The following XKR6 variants were observed in gnomAD, a reference collection of about 807,000 sequenced individuals.
XKR6 encodes the protein XK-related protein 6.
A neutral mutation model predicts 56.7 loss-of-function variants in XKR6; 22 were observed. That is an observed-to-expected ratio of 0.39 (90% CI 0.28 to 0.55). XKR6 has a LOEUF of 0.55. XKR6 is among the 20% of genes least tolerant of loss of function. The probability of loss-of-function intolerance (pLI) is 0.66; values close to 1 mark genes in which losing one functional copy is unlikely to be tolerated. For missense variants in XKR6, 852 were observed against 889.0 expected, an observed-to-expected ratio of 0.96 and a Z score of 0.53; for synonymous variants, 524 against 387.8, an observed-to-expected ratio of 1.35 and a Z score of -4.13.
chr8:11,022,155 C>T (rs559986896), intron 1 of XKR6, among the ~76,000 whole-genome samples: 1 of 149,566 alleles, frequency 6.7e-6, no homozygotes, highest in African/African-American at 2.5e-5. Flanking sequence ...GAAAGGGGCC[C>T]TCTCTTAAAG....
In XKR6 at chr8:11,191,608, T is replaced by C. The variant is rs994859586; in HGVS notation, c.764+8968A>G. On this transcript the variant is annotated intron_variant, in intron 1 of 2. Transcript: ENST00000416569. ...CTTCAAGTTTACTAGAAATACAGAG[T>C]GCAAACGACACCTGCAAGAGACACT... Among the ~76,000 whole-genome samples the C allele has an allele frequency of 1.2e-4, 17 of 146,894 alleles. No individual in the cohort carries two copies. The East Asian group carries it at 3.4e-3, about 29-fold the overall frequency.
chr8:11,022,743 G>A (rs931550474), intron 1 of XKR6, among the ~76,000 whole-genome samples: 1 of 152,186 alleles, frequency 6.6e-6, no homozygotes, highest in African/African-American at 2.4e-5. Context: ...GTAGAACCAA[G>A]ACCCAAGCTT....
intron 1 of XKR6, among the ~76,000 whole-genome samples, chr8:11,141,122 G>C (rs1470506084): frequency 6.6e-6 from 1 of 152,148 alleles, no homozygotes; most frequent in Non-Finnish European, 1.5e-5. Flanking sequence ...CAGGAGAAGG[G>C]GGAGAACAGA....
At chr8:11,119,725 A>G (rs1799355974) in intron 1 of XKR6, among the ~76,000 whole-genome samples, 1 of 151,938 alleles carries the variant, frequency 6.6e-6, no homozygotes, top group Non-Finnish European at 1.5e-5. Flanking sequence ...GGGTTTCCTG[A>G]ATACAACATA....
intron 1 of XKR6, among the ~76,000 whole-genome samples, chr8:11,173,325 C>T (rs1802474255): frequency 1.3e-5 from 2 of 150,410 alleles, no homozygotes; most frequent in African/African-American, 2.5e-5. Flanking sequence ...GCCTGGGCAA[C>T]AAAGCGAGAC....
chr8:10,926,727 C>A lies in XKR6; in HGVS notation c.765-1897G>T, dbSNP rs142562357. Among the ~76,000 whole-genome samples, 356 of 152,358 alleles carry A rather than the reference C, an allele frequency of 2.3e-3. 1 individual carries two copies. Among genetic ancestry groups the A allele is most frequent in the African/African-American group, 7.7e-3 (321 of 41,578 alleles). On this transcript the variant is annotated intron_variant, in intron 1 of 2. Coordinates refer to ENST00000416569, the MANE Select transcript of XKR6 (RefSeq NM_173683.4). ...AACTGAGGCTCTAGCATGAAATAAA[C>A]CACCAAATTCTGGTTCTGTTCAAGG...
intron 1 of XKR6, among the ~76,000 whole-genome samples, chr8:11,086,101 A>C (rs1797877976): frequency 6.6e-6 from 1 of 150,656 alleles, no homozygotes; most frequent in Non-Finnish European, 1.5e-5. Flanking sequence ...GAAGAATAGG[A>C]CCAGAACTCA....
At chr8:10,930,837 G>T (rs1456920085) in intron 1 of XKR6, among the ~76,000 whole-genome samples, 1 of 152,176 alleles carries the variant, frequency 6.6e-6, no homozygotes, top group Non-Finnish European at 1.5e-5. Context: ...AATGATAAAA[G>T]ACTGAATGCT....
At chr8:10,900,517 G>C (rs886353433) in intron 2 of XKR6, among the ~76,000 whole-genome samples, 9 of 152,214 alleles carry the variant, frequency 5.9e-5, no homozygotes, top group Non-Finnish European at 1.3e-4. Flanking sequence ...GTTACAATGG[G>C]CATGTGTGAC....
intron 1 of XKR6, among the ~76,000 whole-genome samples, chr8:11,044,406 C>T (rs965987463): frequency 6.6e-6 from 1 of 152,166 alleles, no homozygotes; most frequent in Non-Finnish European, 1.5e-5. Flanking sequence ...TTTTGGTTTT[C>T]AACCAGTGGT....
intron 1 of XKR6, among the ~76,000 whole-genome samples, chr8:11,093,060 T>A (rs769272035): frequency 2.4e-4 from 36 of 151,512 alleles, no homozygotes; most frequent in Admixed American, 6.6e-4. Context: ...CTTTTTCTTT[T>A]CTTTCTTTCT....
chr8:11,102,532 A>C (rs1193427285), intron 1 of XKR6, among the ~76,000 whole-genome samples: 1 of 152,218 alleles, frequency 6.6e-6, no homozygotes, highest in Non-Finnish European at 1.5e-5. Context: ...CAAGAATGGA[A>C]GGGGACAAAC....
intron 1 of XKR6, among the ~76,000 whole-genome samples, chr8:11,089,825 G>A (rs150570553): frequency 1.2e-4 from 19 of 152,038 alleles, no homozygotes; most frequent in African/African-American, 3.9e-4. Flanking sequence ...TGGAGGAGCC[G>A]CTATACTGAA....
intron 1 of XKR6, among the ~76,000 whole-genome samples, chr8:11,173,733 G>C (rs748392127): frequency 6.6e-6 from 1 of 152,138 alleles, no homozygotes; most frequent in Non-Finnish European, 1.5e-5. Context: ...CAGTGGTCCT[G>C]TTTAAGGGTT....
At chr8:11,113,806 A>G (rs1300466858) in intron 1 of XKR6, 1 of 166,732 alleles carries the variant, frequency 6.0e-6, no homozygotes, top group African/African-American at 2.4e-5. Flanking sequence ...AGCATTTATG[A>G]TGTAAGCCCT....
intron 1 of XKR6, among the ~76,000 whole-genome samples, chr8:11,012,268 C>T (rs1478307234): frequency 1.3e-5 from 2 of 152,194 alleles, no homozygotes; most frequent in African/African-American, 4.8e-5. Flanking sequence ...CCTTTGGGAC[C>T]TCAGCTGCTA....
intron 1 of XKR6, among the ~76,000 whole-genome samples, chr8:11,198,115 A>C (rs1045040832): frequency 6.6e-6 from 1 of 152,204 alleles, no homozygotes; most frequent in Non-Finnish European, 1.5e-5. Context: ...AAAGATCTTC[A>C]ATAAAAACAG....
At chr8:11,094,202 T>C (rs564180582) in intron 1 of XKR6, among the ~76,000 whole-genome samples, 1 of 151,970 alleles carries the variant, frequency 6.6e-6, no homozygotes, top group South Asian at 2.1e-4. Context: ...CCCACAAACT[T>C]ACAAAGGAGC....
At chr8:11,173,368 C>T (rs867711805) in intron 1 of XKR6, among the ~76,000 whole-genome samples, 4,383 of 133,012 alleles carry the variant, frequency 0.033, 213 homozygotes, top group African/African-American at 0.12. Flanking sequence ...TATATATATA[C>T]ACACACACAC....
Sources: allele counts gnomAD v4.1 joint callset (sites outside exome capture counted in the v4.1 genomes callset), GRCh38; gene constraint gnomAD v4.1.1; transcripts MANE v1.5; gene names NCBI Gene and HGNC (gene_info 2026-07-23, HGNC 2026-07-21).